SMARCA2: variants seen among roughly 807,000 people sequenced by gnomAD.
SMARCA2 encodes SWI/SNF related BAF chromatin remodeling complex subunit ATPase 2.
SMARCA2 carries 61 observed loss-of-function variants against 199.8 expected under a neutral mutation model. The ratio of observed to expected loss-of-function variants is 0.31; its 90% CI spans 0.25 to 0.38. The LOEUF (loss-of-function observed/expected upper bound fraction) is 0.38, where lower values mean the gene tolerates loss of function less well. SMARCA2 is among the 10% of genes least tolerant of loss of function. The pLI, the probability that SMARCA2 is intolerant of heterozygous loss-of-function variation, is 1.00. For missense variants in SMARCA2, 1,344 were observed against 2,012.2 expected, an observed-to-expected ratio of 0.67 and a Z score of 6.35; for synonymous variants, 935 against 732.0, an observed-to-expected ratio of 1.28 and a Z score of -4.48.
chr9:2,167,215 T>C (rs573897795), intron 28 of SMARCA2, among the ~76,000 whole-genome samples: 2 of 152,374 alleles, frequency 1.3e-5, no homozygotes, highest in South Asian at 4.1e-4. Context: ...CACTTGAACT[T>C]ACTTGAAGTG....
Position 2,193,046 on chromosome 9 carries a change from C to T in SMARCA2, c.*307C>T, listed in dbSNP as rs868705647. ...TCTATGGGTGGGTCTAATTTGGTAACGGTTTGATTGTGCCTGGTTTTATCA... is the reference window on the plus strand; with the variant it reads ...TCTATGGGTGGGTCTAATTTGGTAATGGTTTGATTGTGCCTGGTTTTATCA... On this transcript the variant is annotated 3_prime_UTR_variant, in exon 34 of 34. Transcript: ENST00000349721. The T allele has an allele frequency of 1.7e-4, 49 of 283,780 alleles. No homozygotes were observed. The Middle Eastern group carries it at 3.1e-3, about 18-fold the overall frequency. The allele number at this position is 283,780 out of a possible 1,614,324, so 17.6% of individuals were successfully genotyped here.
At position 2,160,012 on chromosome 9, in the gene SMARCA2, G is replaced by A. The variant is rs973367262; in HGVS notation, c.3982-1674G>A. On this transcript the variant is annotated intron_variant, in intron 27 of 33. Coordinates refer to ENST00000349721, the MANE Select transcript of SMARCA2 (RefSeq NM_003070.5). ...AAAAGCCGGTGTTCTCCGTATTTCT[G>A]TGTGCAACTGGGTGCTTGAGGAGAG... 54 of 1,485,266 alleles carry A rather than the reference G, an allele frequency of 3.6e-5. No homozygotes were observed. In the African/African-American group the frequency reaches 7.1e-4, roughly 20 times the overall value. 92.0% of individuals were successfully genotyped at this position (1,485,266 alleles called of 1,614,324 possible).
chr9:2,079,406 C>T (rs533194696), intron 14 of SMARCA2, among the ~76,000 whole-genome samples: 2 of 152,286 alleles, frequency 1.3e-5, no homozygotes, highest in South Asian at 4.1e-4. Flanking sequence ...ACACTTGGTA[C>T]TGTGTCTGCT....
At chr9:2,167,661 G>T (rs1826001951) in intron 28 of SMARCA2, among the ~76,000 whole-genome samples, 1 of 152,200 alleles carries the variant, frequency 6.6e-6, no homozygotes, top group Non-Finnish European at 1.5e-5. Flanking sequence ...AATTTAATAA[G>T]CCCTTGTGGT....
chr9:2,158,870 A>G lies in SMARCA2; in HGVS notation c.3982-2816A>G. 4 of 1,439,540 alleles carry G rather than the reference A, an allele frequency of 2.8e-6. No homozygotes were observed. The South Asian group carries it at 4.1e-5, about 15-fold the overall frequency. 89.2% of individuals were successfully genotyped at this position (1,439,540 alleles called of 1,614,324 possible). A position where few individuals can be genotyped will look rare whatever the true frequency, so the allele number is the denominator to read the frequency against. On this transcript the variant is annotated intron_variant, in intron 27 of 33. Transcript: ENST00000349721. ...TTAGAAAAAGACCCTTAGAAATCAC[A>G]GAACATAAAGCACTGCATATGGATG...
Position 2,181,430 on chromosome 9 carries a change from G to T in SMARCA2, c.4254-141G>T, listed in dbSNP as rs1349247047. 1.2e-5 allele frequency: 7 copies of T among 608,076 alleles called. No individual in the cohort carries two copies. The East Asian group carries it at 2.1e-4, about 18-fold the overall frequency. The allele number at this position is 608,076 out of a possible 1,614,324, so 37.7% of individuals were successfully genotyped here. A position where few individuals can be genotyped will look rare whatever the true frequency, so the allele number is the denominator to read the frequency against. ...ACATCAATCTCCAATAGAGTTGTGG[G>T]ATTTTTCCTGACTTAAAAAGCTCCA... On this transcript the variant is annotated intron_variant, in intron 29 of 33. Coordinates refer to ENST00000349721, the MANE Select transcript of SMARCA2 (RefSeq NM_003070.5).
intron 9 of SMARCA2, 161 bp downstream of exon 9, chr9:2,061,147 T>G: frequency 3.1e-6 from 2 of 637,316 alleles, no homozygotes; most frequent in South Asian, 4.0e-5. Context: ...AAGTGTTGAT[T>G]AGGTACACTA....
At chr9:2,107,130 T>TA (rs200473061) in intron 23 of SMARCA2, among the ~76,000 whole-genome samples, 2 of 151,474 alleles carry the variant, frequency 1.3e-5, no homozygotes, top group African/African-American at 2.5e-5. Context: ...TTTGTTAAAT[T>TA]AAAAAAATAT....
In SMARCA2 at chr9:2,027,431, C is replaced by A. The variant is rs149839250; in HGVS notation, c.-36-1556C>A. 3.1e-3 allele frequency among the ~76,000 whole-genome samples: 475 copies of A among 151,996 alleles called. 6 individuals carry two copies. The highest frequency in any genetic ancestry group is 0.011 in the African/African-American group (460 of 41,428). On this transcript the variant is annotated intron_variant, in intron 1 of 33. Transcript: ENST00000349721. Reference sequence around the variant, plus strand: ...CTCCAGCCTGGGCAATAGAGAGAGGCCCTGTCTCTAAAAATATGAAAAATT... The same window carrying A: ...CTCCAGCCTGGGCAATAGAGAGAGGACCTGTCTCTAAAAATATGAAAAATT...
At chr9:2,087,143 A>G (rs1821834745) in intron 18 of SMARCA2, 72 bp downstream of exon 18, 2 of 1,570,184 alleles carry the variant, frequency 1.3e-6, no homozygotes, top group South Asian at 1.2e-5. Context: ...AGCTGAGAAC[A>G]TTAGAGCCAC....
chr9:2,191,981 A>G (rs1268951302), intron 33 of SMARCA2: 1 of 153,648 alleles, frequency 6.5e-6, no homozygotes, highest in African/African-American at 2.4e-5. Context: ...GCATCGTGAG[A>G]TAGATGTCAC....
At chr9:2,190,547 A>G (rs1256911524) in intron 32 of SMARCA2, among the ~76,000 whole-genome samples, 1 of 152,364 alleles carries the variant, frequency 6.6e-6, no homozygotes, top group East Asian at 1.9e-4. Context: ...AACTACATAA[A>G]GAATTCAAGT....
Position 2,182,121 on chromosome 9 carries a change from T to G in SMARCA2, c.4360-20T>G. 6.7e-7 allele frequency: 1 copy of G among 1,499,434 alleles called. No individual in the cohort carries two copies. The highest frequency in any genetic ancestry group is 9.3e-7 in the Non-Finnish European group (1 of 1,077,152). The allele number at this position is 1,499,434 out of a possible 1,614,324, so 92.9% of individuals were successfully genotyped here. On this transcript the variant is annotated intron_variant, in intron 30 of 33. Coordinates refer to ENST00000349721, the MANE Select transcript of SMARCA2 (RefSeq NM_003070.5). The stretch of plus-strand genomic sequence containing the variant: ...TCCTCTCCCTCTTTTTTTCTCCATT[T>G]TCTCCAAAATTTCCATCAGGAAAGG...
At chr9:2,097,665 G>T (rs1450232555) in intron 21 of SMARCA2, among the ~76,000 whole-genome samples, 194 bp downstream of exon 21, 3 of 152,120 alleles carry the variant, frequency 2.0e-5, no homozygotes, top group Non-Finnish European at 4.4e-5. Context: ...GTTCTCATTG[G>T]CACCAAGCAT....
chr9:2,073,837 AC>A (rs1262786620), intron 12 of SMARCA2, among the ~76,000 whole-genome samples: 1 of 152,162 alleles, frequency 6.6e-6, no homozygotes, highest in East Asian at 1.9e-4. Context: ...TAATGGGGAA[AC>A]CTGGCACATT....
chr9:2,060,211 T>G (rs1820526997), intron 8 of SMARCA2, among the ~76,000 whole-genome samples: 1 of 151,904 alleles, frequency 6.6e-6, no homozygotes, highest in Non-Finnish European at 1.5e-5. Flanking sequence ...AGAAAGACTT[T>G]TTAAAATATA....
At chr9:2,019,920 TA>T (rs1323702415) in intron 1 of SMARCA2, among the ~76,000 whole-genome samples, 1 of 152,082 alleles carries the variant, frequency 6.6e-6, no homozygotes, top group Non-Finnish European at 1.5e-5. Flanking sequence ...AATAAATCAC[TA>T]TTTATGACAT....
intron 5 of SMARCA2, among the ~76,000 whole-genome samples, chr9:2,051,171 A>C (rs4741639): frequency 0.15 from 22,856 of 152,176 alleles, 1,830 homozygotes; most frequent in East Asian, 0.28. Flanking sequence ...CTTCTGTGTT[A>C]AAGAAGCCCC....
intron 27 of SMARCA2, among the ~76,000 whole-genome samples, chr9:2,153,742 C>T (rs941667987): frequency 6.6e-6 from 1 of 152,042 alleles, no homozygotes; most frequent in Middle Eastern, 3.2e-3. Context: ...ATCCCATTGA[C>T]TATTAAAATG....
Sources: allele counts gnomAD v4.1 joint callset (sites outside exome capture counted in the v4.1 genomes callset), GRCh38; gene constraint gnomAD v4.1.1; transcripts MANE v1.5; gene names NCBI Gene and HGNC (gene_info 2026-07-23, HGNC 2026-07-21).